The following MAP4K5 variants were observed in gnomAD, a reference collection of about 807,000 sequenced individuals.
The protein encoded by MAP4K5 is mitogen-activated protein kinase kinase kinase kinase 5.
MAP4K5 carries 82 observed loss-of-function variants against 135.6 expected under a neutral mutation model. The observed-to-expected ratio is 0.60, with a 90% confidence interval of 0.51 to 0.73. The LOEUF (loss-of-function observed/expected upper bound fraction) is 0.73. Ranked by LOEUF, MAP4K5 falls within the 30% of genes least tolerant of loss-of-function variation. MAP4K5 has a pLI of 0.00. For synonymous variants in MAP4K5, 347 were observed against 335.0 expected, an observed-to-expected ratio of 1.04 and a Z score of -0.39; for missense variants, 907 against 1,010.9, an observed-to-expected ratio of 0.90 and a Z score of 1.39.
chr14:50,554,639 T>C (rs1282468196), intron 1 of MAP4K5, among the ~76,000 whole-genome samples: 1 of 152,214 alleles, frequency 6.6e-6, no homozygotes, highest in African/African-American at 2.4e-5. Flanking sequence ...AGATGGTATC[T>C]GAGAACTTAT....
intron 18 of MAP4K5, among the ~76,000 whole-genome samples, 175 bp downstream of exon 18, chr14:50,444,866 C>G (rs183951045): frequency 6.6e-6 from 1 of 152,110 alleles, no homozygotes; most frequent in South Asian, 2.1e-4. Flanking sequence ...CCCATCCATG[C>G]AGAATTAAAG....
chr14:50,425,300 T>C (rs757473535), intron 31 of MAP4K5, among the ~76,000 whole-genome samples: 1 of 152,252 alleles, frequency 6.6e-6, no homozygotes, highest in Admixed American at 6.5e-5. Context: ...TCACTAGTTA[T>C]GTAACTCTGG....
At chr14:50,465,289 T>C (rs1335714070) in intron 11 of MAP4K5, among the ~76,000 whole-genome samples, 1 of 152,152 alleles carries the variant, frequency 6.6e-6, no homozygotes, top group East Asian at 1.9e-4. Context: ...TACAGAATTT[T>C]GGGGGCTCAC....
chr14:50,478,390 T>C (rs1173174343), intron 6 of MAP4K5, among the ~76,000 whole-genome samples: 5 of 152,126 alleles, frequency 3.3e-5, no homozygotes, highest in Non-Finnish European at 7.4e-5. Flanking sequence ...TTACTATTTT[T>C]TTTCCTTTCC....
At chr14:50,544,982 C>T (rs983127825) in intron 1 of MAP4K5, among the ~76,000 whole-genome samples, 1 of 135,190 alleles carries the variant, frequency 7.4e-6, no homozygotes, top group Admixed American at 7.5e-5. Context: ...TATAATGTAA[C>T]AGGTCCCTCA....
intron 2 of MAP4K5, among the ~76,000 whole-genome samples, chr14:50,520,605 T>C (rs1566692667): frequency 6.6e-6 from 1 of 152,192 alleles, no homozygotes; most frequent in Non-Finnish European, 1.5e-5. Flanking sequence ...AGGCAGGTTA[T>C]TCTATCTGCC....
At chr14:50,550,714 T>C (rs944595422) in intron 1 of MAP4K5, among the ~76,000 whole-genome samples, 1 of 152,084 alleles carries the variant, frequency 6.6e-6, no homozygotes, top group Admixed American at 6.5e-5. Context: ...CAGACCACAG[T>C]GAAATAAAAC....
intron 3 of MAP4K5, among the ~76,000 whole-genome samples, chr14:50,494,713 GAC>G (rs1449820109): frequency 2.0e-5 from 3 of 152,068 alleles, no homozygotes. Flanking sequence ...GTAGGGTACT[GAC>G]ATAAAGACAG....
intron 3 of MAP4K5, among the ~76,000 whole-genome samples, chr14:50,496,258 G>A (rs2037590530): frequency 6.6e-6 from 1 of 151,968 alleles, no homozygotes; most frequent in Admixed American, 6.6e-5. Context: ...CCCGGGAGGT[G>A]GAGGTTGCAG....
intron 8 of MAP4K5, 35 bp downstream of exon 8, chr14:50,476,093 T>C: frequency 1.6e-6 from 2 of 1,279,174 alleles, no homozygotes; most frequent in Non-Finnish European, 2.1e-6. Context: ...TCATTAAATT[T>C]TTGGAAAAAA....
chr14:50,451,352 A>G (rs535946613), intron 14 of MAP4K5, among the ~76,000 whole-genome samples: 1 of 152,340 alleles, frequency 6.6e-6, no homozygotes, highest in East Asian at 1.9e-4. Flanking sequence ...GTTCTTACGT[A>G]TATAACTGGA....
At chr14:50,493,083 A>G (rs2037519342) in intron 3 of MAP4K5, among the ~76,000 whole-genome samples, 1 of 151,866 alleles carries the variant, frequency 6.6e-6, no homozygotes, top group Non-Finnish European at 1.5e-5. Flanking sequence ...CCATAAATGT[A>G]CCAGAGACAC....
chr14:50,510,761 TC>T (rs2037915157), intron 2 of MAP4K5, among the ~76,000 whole-genome samples: 1 of 152,182 alleles, frequency 6.6e-6, no homozygotes, highest in African/African-American at 2.4e-5. Context: ...AAGATGACAG[TC>T]CCTCTCCATC....
intron 1 of MAP4K5, 40 bp from the exon 2 acceptor site, chr14:50,532,198 C>A (rs1488193484): frequency 1.7e-6 from 1 of 590,446 alleles, no homozygotes; most frequent in Non-Finnish European, 3.0e-6. Flanking sequence ...GCGTCGCAGG[C>A]TACGACCCCC....
intron 28 of MAP4K5, among the ~76,000 whole-genome samples, chr14:50,432,556 C>CAAAAAA (rs56267301): frequency 1.4e-5 from 2 of 139,958 alleles, no homozygotes; most frequent in African/African-American, 6.0e-5. Flanking sequence ...ACAAAACTCT[C>CAAAAAA]AAAAAAAAAA....
chr14:50,523,004 G>A (rs1459838150), intron 2 of MAP4K5, among the ~76,000 whole-genome samples: 1 of 152,172 alleles, frequency 6.6e-6, no homozygotes, highest in African/African-American at 2.4e-5. Context: ...ACAACCAACT[G>A]CTGAACTTAA....
chr14:50,523,305 C>CT (rs1251530937), intron 2 of MAP4K5, among the ~76,000 whole-genome samples: 1 of 151,782 alleles, frequency 6.6e-6, no homozygotes, highest in Non-Finnish European at 1.5e-5. Flanking sequence ...GAGCGAAACT[C>CT]TGTCTCAAAA....
chr14:50,507,905 T>C (rs990829223), intron 2 of MAP4K5, among the ~76,000 whole-genome samples: 3 of 152,164 alleles, frequency 2.0e-5, no homozygotes, highest in African/African-American at 7.2e-5. Context: ...GATATCCTTG[T>C]TAACTTTCTG....
intron 14 of MAP4K5, among the ~76,000 whole-genome samples, chr14:50,450,899 AAAG>A (rs2036469780): frequency 1.3e-5 from 2 of 152,228 alleles, no homozygotes; most frequent in Admixed American, 6.5e-5. Flanking sequence ...AAAGACAACC[AAAG>A]AAGCTAGAAA....
Sources: allele counts gnomAD v4.1 joint callset (sites outside exome capture counted in the v4.1 genomes callset), GRCh38; gene constraint gnomAD v4.1.1; transcripts MANE v1.5; gene names NCBI Gene and HGNC (gene_info 2026-07-23, HGNC 2026-07-21).